The following ADORA1 variants were observed in gnomAD, a reference collection of about 807,000 sequenced individuals.
ADORA1 encodes the protein adenosine receptor A1.
Under a neutral mutation model 19.9 loss-of-function variants are expected in ADORA1, and 6 were observed. The ratio of observed to expected loss-of-function variants is 0.30; its 90% confidence interval spans 0.17 to 0.59. ADORA1 has a LOEUF of 0.59. Ranked by LOEUF, ADORA1 falls within the 20% of genes least tolerant of loss-of-function variation. ADORA1 has a pLI of 0.87. For synonymous variants in ADORA1, 194 were observed against 188.4 expected (o/e 1.03, Z -0.24); for missense variants, 302 against 439.2 (o/e 0.69, Z 2.79).
Position 203,146,364 on chromosome 1 carries a change from C to T in ADORA1, c.341+17182C>T, listed in dbSNP as rs189025316. Among the ~76,000 whole-genome samples the T allele has an allele frequency of 3.1e-3, 470 of 152,264 alleles. 6 individuals are homozygous for T. Among genetic ancestry groups the T allele is most frequent in the Middle Eastern group, 0.01 (3 of 294 alleles). On this transcript the variant is annotated intron_variant, in intron 3 of 3. Transcript: ENST00000337894. ...AAGATCTTGGCCAGGCATGGTGGCT[C>T]ATGCCTGTAATCCCAATACTTTCGG...
In ADORA1 at chr1:203,128,930, T is replaced by C; in HGVS notation, c.89T>C (p.Val30Ala). 6.2e-7 allele frequency: 1 copy of C among 1,614,014 alleles called. No individual in the cohort carries two copies. The highest frequency in any genetic ancestry group is 8.5e-7 in the Non-Finnish European group (1 of 1,180,022). ...GTCTCTGTGCCCGGGAACGTGCTGGTGATCTGGGCGGTGAAGGTGAACCAG... is the reference window on the plus strand; with the variant it reads ...GTCTCTGTGCCCGGGAACGTGCTGGCGATCTGGGCGGTGAAGGTGAACCAG... Reference protein sequence around the residue: ...ALVSVPGNVLVIWAVKVNQAL... With the variant: ...ALVSVPGNVLAIWAVKVNQAL... The change falls in exon 3 of 4, where the codon GTG (valine) becomes GCG (alanine). Residue 30 changes from valine (V) to alanine (A), a missense_variant. Physicochemically the swap from Val to Ala is moderately conservative, Grantham distance 64. Transcript: ENST00000337894. The surrounding 1 kb of genome is among the most constrained non-coding windows in gnomAD (Gnocchi z 5.9).
In ADORA1 at chr1:203,128,129, G is replaced by A; in HGVS notation, c.-212-149G>A. 2.9e-6 allele frequency: 1 copy of A among 342,148 alleles called. No homozygotes were observed. Among genetic ancestry groups the A allele is most frequent in the Non-Finnish European group, 5.7e-6 (1 of 176,680 alleles). 21.2% of individuals were successfully genotyped at this position (342,148 alleles called of 1,614,324 possible). A position where few individuals can be genotyped will look rare whatever the true frequency, so the allele number is the denominator to read the frequency against. Reference sequence around the variant, plus strand: ...GGCGCAGGGCAGGTGCGGGCACGCTGGGGAATAGGGAGAAACGCCCCAGCC... The same window carrying A: ...GGCGCAGGGCAGGTGCGGGCACGCTAGGGAATAGGGAGAAACGCCCCAGCC... On this transcript the variant is annotated intron_variant, in intron 1 of 3. Coordinates refer to ENST00000337894, the MANE Select transcript of ADORA1 (RefSeq NM_000674.3). The surrounding 1 kb of genome is among the most constrained non-coding windows in gnomAD (Gnocchi z 5.9).
chr1:203,164,726 G>A (rs1170580203), intron 3 of ADORA1, among the ~76,000 whole-genome samples: 1 of 152,148 alleles, frequency 6.6e-6, no homozygotes, highest in African/African-American at 2.4e-5. Context: ...GAGAAGGGAT[G>A]GTTTGTTAAT....
rs76988678 is a variant in ADORA1, at chr1:203,151,008, C to G, written c.342-14253C>G. Among the ~76,000 whole-genome samples, 627 of 152,316 alleles carry G rather than the reference C, an allele frequency of 4.1e-3. 6 individuals carry two copies. The highest frequency in any genetic ancestry group is 0.013 in the African/African-American group (541 of 41,574). Reference sequence around the variant, plus strand: ...ATCCAACCTGCTTTCTAGGTCCCAACCCCAGCGGGTGCCTTTGGGCTGATC... The same window carrying G: ...ATCCAACCTGCTTTCTAGGTCCCAAGCCCAGCGGGTGCCTTTGGGCTGATC... On this transcript the variant is annotated intron_variant, in intron 3 of 3. Transcript: ENST00000337894.
chr1:203,157,179 C>T (rs1655223266), intron 3 of ADORA1, among the ~76,000 whole-genome samples: 1 of 152,202 alleles, frequency 6.6e-6, no homozygotes, highest in Non-Finnish European at 1.5e-5. Flanking sequence ...ATGGGTGAGG[C>T]TAAAGGCAGG....
chr1:203,144,386 C>T (rs1010209643), intron 3 of ADORA1, among the ~76,000 whole-genome samples: 1 of 152,134 alleles, frequency 6.6e-6, no homozygotes, highest in Admixed American at 6.5e-5. Context: ...ATAGTAGTGA[C>T]GCTTGTGTGC....
At position 203,165,245 on chromosome 1, in the gene ADORA1, C is replaced by T. The variant is rs572853485; in HGVS notation, c.342-16C>T. On this transcript the variant is annotated splice_polypyrimidine_tract_variant and intron_variant, in intron 3 of 3. Coordinates refer to ENST00000337894, the MANE Select transcript of ADORA1 (RefSeq NM_000674.3). The surrounding 1 kb of genome is among the most constrained non-coding windows in gnomAD (Gnocchi z 5.9). ...CTGGGAGGCAGATCCTCACACTCTG[C>T]CCTCCTCTCCCCCAGGTACAAGATG... The T allele has an allele frequency of 6.9e-6, 11 of 1,594,152 alleles. No homozygotes were observed. In the African/African-American group the frequency reaches 1.5e-4, roughly 21 times the overall value.
Position 203,136,931 on chromosome 1 carries a change from T to C in ADORA1, c.341+7749T>C, listed in dbSNP as rs145647552. ...TGAGCCAGGGTCTGTTGGGATACTT[T>C]CATTAATAAAACAGAGATCCTCATG... On this transcript the variant is annotated intron_variant, in intron 3 of 3. Transcript: ENST00000337894. Among the ~76,000 whole-genome samples, 381 of 152,330 alleles carry C rather than the reference T, an allele frequency of 2.5e-3. 5 individuals carry two copies. Among genetic ancestry groups the C allele is most frequent in the African/African-American group, 8.6e-3 (358 of 41,570 alleles).
At position 203,165,702 on chromosome 1, in the gene ADORA1, G is replaced by C. The variant is rs376563906; in HGVS notation, c.783G>C (p.Pro261=). ...HILNCITLFC[P]SCHKPSILTY... is the part of the protein sequence containing the mutation. Reference sequence around the variant, plus strand: ...TCAACTGCATCACCCTCTTCTGCCCGTCCTGCCACAAGCCCAGCATCCTTA... The same window carrying C: ...TCAACTGCATCACCCTCTTCTGCCCCTCCTGCCACAAGCCCAGCATCCTTA... The change falls in exon 4 of 4, where the codon CCG becomes CCC. Residue 261 remains proline (P), a synonymous_variant. Transcript: ENST00000337894. This position sits in a 1 kb window ranked among gnomAD's most constrained non-coding sequence, Gnocchi z 5.9. 6.2e-7 allele frequency: 1 copy of C among 1,611,208 alleles called. No homozygotes were observed.
intron 3 of ADORA1, among the ~76,000 whole-genome samples, chr1:203,162,232 C>T (rs1655396030): frequency 6.6e-6 from 1 of 152,190 alleles, no homozygotes; most frequent in Non-Finnish European, 1.5e-5. Flanking sequence ...GTCTTGGGTC[C>T]AGCCCTTTCC....
At chr1:203,154,870 C>T (rs1655146013) in intron 3 of ADORA1, among the ~76,000 whole-genome samples, 1 of 152,160 alleles carries the variant, frequency 6.6e-6, no homozygotes, top group Admixed American at 6.5e-5. Flanking sequence ...GCACCTTTCT[C>T]AGTTTGGCTG....
Position 203,165,553 on chromosome 1 carries a change from A to G in ADORA1, c.634A>G (p.Asn212Asp), listed in dbSNP as rs1033168113. The change falls in exon 4 of 4, where the codon AAC (asparagine) becomes GAC (aspartate). Residue 212 changes from asparagine to aspartate, a missense_variant. Coordinates refer to ENST00000337894, the MANE Select transcript of ADORA1 (RefSeq NM_000674.3). This position sits in a 1 kb window ranked among gnomAD's most constrained non-coding sequence, Gnocchi z 5.9. ...CTTCTACCTAATCCGCAAGCAGCTCAACAAGAAGGTGTCGGCCTCCTCCGG... is the reference window on the plus strand; with the variant it reads ...CTTCTACCTAATCCGCAAGCAGCTCGACAAGAAGGTGTCGGCCTCCTCCGG... ...EVFYLIRKQL[N>D]KKVSASSGDP... 27 of 1,613,922 alleles carry G rather than the reference A, an allele frequency of 1.7e-5. No individual in the cohort carries two copies. Among genetic ancestry groups the G allele is most frequent in the Admixed American group, 3.3e-5 (2 of 60,018 alleles).
chr1:203,130,024 G>A (rs1015013914), intron 3 of ADORA1, among the ~76,000 whole-genome samples: 2 of 152,206 alleles, frequency 1.3e-5, no homozygotes, highest in African/African-American at 4.8e-5. Flanking sequence ...AAGTGCCAGC[G>A]AGTGCCTGGG....
At chr1:203,136,774 C>T (rs1247244892) in intron 3 of ADORA1, among the ~76,000 whole-genome samples, 1 of 152,204 alleles carries the variant, frequency 6.6e-6, no homozygotes, top group African/African-American at 2.4e-5. Flanking sequence ...ACCTTCTTGC[C>T]TCTTGCTTCC....
At chr1:203,156,061 T>A (rs1269392106) in intron 3 of ADORA1, among the ~76,000 whole-genome samples, 1 of 152,254 alleles carries the variant, frequency 6.6e-6, no homozygotes, top group Non-Finnish European at 1.5e-5. Context: ...CATTTTTACA[T>A]GTATTTATTC....
chr1:203,147,877 TA>T (rs1223372294), intron 3 of ADORA1, among the ~76,000 whole-genome samples: 1 of 152,178 alleles, frequency 6.6e-6, no homozygotes, highest in Non-Finnish European at 1.5e-5. Context: ...TTGTACCCCA[TA>T]AATATATACA....
Position 203,128,481 on chromosome 1 carries a change from C to T in ADORA1, c.-58+49C>T, listed in dbSNP as rs963191241. On this transcript the variant is annotated intron_variant, in intron 2 of 3. Coordinates refer to ENST00000337894, the MANE Select transcript of ADORA1 (RefSeq NM_000674.3). The surrounding 1 kb of genome is among the most constrained non-coding windows in gnomAD (Gnocchi z 5.9). ...GTGCACAGGGGTGGGCAGAGCCAGT[C>T]ATGGGAGACCCCTCTGTGCGTGTGT... The T allele has an allele frequency of 3.9e-5, 48 of 1,235,430 alleles. No individual in the cohort carries two copies. Among genetic ancestry groups the T allele is most frequent in the Non-Finnish European group, 4.9e-5 (46 of 941,192 alleles). 76.5% of individuals were successfully genotyped at this position (1,235,430 alleles called of 1,614,324 possible).
intron 3 of ADORA1, among the ~76,000 whole-genome samples, chr1:203,154,815 C>T (rs1318444544): frequency 5.3e-5 from 8 of 152,194 alleles, no homozygotes; most frequent in African/African-American, 1.9e-4. Context: ...AGCTTCAGAA[C>T]CAGCACACTC....
At chr1:203,159,464 C>G (rs1655295695) in intron 3 of ADORA1, among the ~76,000 whole-genome samples, 1 of 152,156 alleles carries the variant, frequency 6.6e-6, no homozygotes. Context: ...TGCCTCAGCA[C>G]CTCTCCCCGA....
Sources: allele counts gnomAD v4.1 joint callset (sites outside exome capture counted in the v4.1 genomes callset), GRCh38; gene constraint gnomAD v4.1.1; non-coding constraint Gnocchi (gnomAD v3.1); transcripts MANE v1.5; gene names NCBI Gene and HGNC (gene_info 2026-07-23, HGNC 2026-07-21).